CCT8: variants seen among roughly 807,000 people sequenced by gnomAD.
CCT8 encodes the protein chaperonin containing TCP1 subunit 8, also known as T-complex protein 1 subunit theta.
CCT8 carries 10 observed loss-of-function variants against 65.7 expected under a neutral mutation model. That is an observed-to-expected ratio of 0.15 (90% confidence interval 0.09 to 0.26). The LOEUF is 0.26. CCT8 is among the 10% of genes least tolerant of loss of function. CCT8 has a pLI of 1.00. For synonymous variants in CCT8, 199 were observed against 221.8 expected (o/e 0.90, Z 0.92); for missense variants, 568 against 669.1 (o/e 0.85, Z 1.67).
At chr21:29,058,651 G>A (rs190509031) in intron 14 of CCT8, among the ~76,000 whole-genome samples, 1 of 148,520 alleles carries the variant, frequency 6.7e-6, no homozygotes, top group East Asian at 2.1e-4. Context: ...GAGTACAGTG[G>A]TGCCATCTCT....
Position 29,070,329 on chromosome 21 carries a change from T to A in CCT8, c.69A>T (p.Ser23=). The change falls in exon 2 of 15, where the codon TCA becomes TCT. Residue 23 remains serine (S), a synonymous_variant. Transcript: ENST00000286788. The part of the protein sequence containing the change: ...QMLKEGAKHF[S]GLEEAVYRNI... Reference sequence around the variant, plus strand: ...TTCTATACACAGCCTCTTCTAATCCTGAAAAGTGCTGTTAAAAAAAACAAA... The same window carrying A: ...TTCTATACACAGCCTCTTCTAATCCAGAAAAGTGCTGTTAAAAAAAACAAA... 6.2e-7 allele frequency: 1 copy of A among 1,604,994 alleles called. No individual in the cohort carries two copies. The highest frequency in any genetic ancestry group is 8.5e-7 in the Non-Finnish European group (1 of 1,176,026).
At chr21:29,073,282 C>T (rs2085703754) in intron 1 of CCT8, 1 of 1,360,416 alleles carries the variant, frequency 7.4e-7, no homozygotes, top group African/African-American at 1.5e-5. Flanking sequence ...ATCCGTCCAC[C>T]TTCAAGGTGT....
chr21:29,062,199 T>A lies in CCT8; in HGVS notation c.1141A>T (p.Thr381Ser). ...TCTATGTCATCCATCAGATTGTCTG[T>A]AGAGCCTCGAAGTACTATGGTAGAA... Reference protein sequence around the residue: ...AISTIVLRGSTDNLMDDIERA... With the variant: ...AISTIVLRGSSDNLMDDIERA... The change falls in exon 11 of 15, where the codon ACA becomes TCA. Residue 381 changes from threonine to serine, a missense_variant. Transcript: ENST00000286788. 6.2e-7 allele frequency: 1 copy of A among 1,613,916 alleles called. No homozygotes were observed. Among genetic ancestry groups the A allele is most frequent in the South Asian group, 1.1e-5 (1 of 91,078 alleles).
chr21:29,073,336 G>A, intron 1 of CCT8, 195 bp downstream of exon 1: 1 of 1,416,726 alleles, frequency 7.1e-7, no homozygotes, highest in South Asian at 1.5e-5. Flanking sequence ...TCTCCCGGTC[G>A]CGGAAGAAGA....
chr21:29,070,203 ATATTCTAC>A, intron 2 of CCT8, 36 bp downstream of exon 2: 2 of 1,233,124 alleles, frequency 1.6e-6, no homozygotes, highest in Middle Eastern at 2.0e-4. Flanking sequence ...GTAGTACACA[ATATTCTAC>A]TACTGTATCT....
chr21:29,071,687 A>G (rs1199330957), intron 1 of CCT8, among the ~76,000 whole-genome samples: 1 of 152,078 alleles, frequency 6.6e-6, no homozygotes, highest in Non-Finnish European at 1.5e-5. Flanking sequence ...ACCCCTGCCA[A>G]TAGCCACTGC....
At position 29,056,510 on chromosome 21, in the gene CCT8, C is replaced by G; in HGVS notation, c.1612G>C (p.Gly538Arg). 6.5e-7 allele frequency: 1 copy of G among 1,544,558 alleles called. No homozygotes were observed. Among genetic ancestry groups the G allele is most frequent in the Non-Finnish European group, 8.7e-7 (1 of 1,144,580 alleles). The change falls in exon 15 of 15, where the codon GGG becomes CGG. Residue 538 changes from glycine (G) to arginine (R), a missense_variant. Transcript: ENST00000286788. Reference sequence around the variant, plus strand: ...TGGTCATCATCCCAGTCTTTCTTCCCACTTGGAGGCTTGGGCCCACCAGCT... The same window carrying G: ...TGGTCATCATCCCAGTCTTTCTTCCGACTTGGAGGCTTGGGCCCACCAGCT... Reference protein sequence around the residue: ...KPAGGPKPPSGKKDWDDDQND With the variant: ...KPAGGPKPPSRKKDWDDDQND
At chr21:29,061,226 A>G in intron 13 of CCT8, 27 bp downstream of exon 13, 4 of 1,572,122 alleles carry the variant, frequency 2.5e-6, no homozygotes, top group Middle Eastern at 1.7e-4. Flanking sequence ...AAATAAAGCA[A>G]TTTAAGTTCA....
At chr21:29,064,745 G>C (rs550800561) in intron 7 of CCT8, among the ~76,000 whole-genome samples, 1 of 152,244 alleles carries the variant, frequency 6.6e-6, no homozygotes, top group South Asian at 2.1e-4. Flanking sequence ...TACTAGAAGG[G>C]CTGTGTGTCA....
intron 1 of CCT8, chr21:29,072,357 CTATT>C (rs2085691240): frequency 1.2e-5 from 2 of 163,676 alleles, no homozygotes; most frequent in Non-Finnish European, 2.6e-5. Flanking sequence ...CCTTCAGTAC[CTATT>C]TATTGAAAGA....
At chr21:29,072,205 A>C (rs947934391) in intron 1 of CCT8, 2 of 461,818 alleles carry the variant, frequency 4.3e-6, no homozygotes, top group Non-Finnish European at 7.7e-6. Flanking sequence ...TCTTTTACAG[A>C]CATTTTTACC....
chr21:29,063,811 C>G (rs977801559), intron 7 of CCT8, among the ~76,000 whole-genome samples: 1 of 152,152 alleles, frequency 6.6e-6, no homozygotes, highest in African/African-American at 2.4e-5. Flanking sequence ...ACTCTGTCAC[C>G]ATGCTGGAGT....
chr21:29,062,851 A>C (rs889028246), intron 8 of CCT8: 2 of 428,254 alleles, frequency 4.7e-6, no homozygotes, highest in East Asian at 4.2e-5. Context: ...TATAGTTCTA[A>C]AACACCAGAG....
intron 1 of CCT8, among the ~76,000 whole-genome samples, chr21:29,070,744 T>C (rs2085671621): frequency 6.6e-6 from 1 of 152,160 alleles, no homozygotes. Flanking sequence ...TTATTAAAAG[T>C]AGTGAAAAGT....
chr21:29,067,847 C>T, intron 3 of CCT8, 142 bp from the exon 4 acceptor site: 1 of 498,098 alleles, frequency 2.0e-6, no homozygotes, highest in Admixed American at 4.2e-5. Context: ...CTATACGCTA[C>T]TTATAGTGTG....
intron 14 of CCT8, among the ~76,000 whole-genome samples, chr21:29,057,159 G>GT (rs2085506937): frequency 6.8e-6 from 1 of 147,980 alleles, no homozygotes; most frequent in African/African-American, 2.5e-5. Flanking sequence ...AAATAAATAG[G>GT]TTTTAGCTTT....
chr21:29,066,632 T>C, intron 6 of CCT8, 84 bp downstream of exon 6: 2 of 204,080 alleles, frequency 9.8e-6, no homozygotes, highest in South Asian at 2.3e-4. Context: ...GATGAACACA[T>C]TTTTTTTTTT....
intron 1 of CCT8, chr21:29,073,260 G>T: frequency 1.5e-6 from 2 of 1,321,996 alleles, no homozygotes; most frequent in Non-Finnish European, 9.7e-7. Context: ...CAAAACGCAC[G>T]CGCGGCTTCA....
chr21:29,069,904 T>C (rs1351266354), intron 2 of CCT8, among the ~76,000 whole-genome samples: 2 of 152,214 alleles, frequency 1.3e-5, no homozygotes, highest in Non-Finnish European at 2.9e-5. Flanking sequence ...ATTTAATTGG[T>C]GGTAGAAGGC....
Sources: gnomAD v4.1 joint callset for allele counts (sites outside exome capture counted in the v4.1 genomes callset) on GRCh38, gnomAD v4.1.1 for gene constraint, MANE v1.5 for transcripts, NCBI Gene and HGNC (gene_info 2026-07-23, HGNC 2026-07-21) for gene names.